The following TNS3 variants were observed in gnomAD, a reference collection of about 807,000 sequenced individuals.
The protein encoded by TNS3 is tensin-3.
TNS3 carries 45 observed loss-of-function variants against 140.9 expected under a neutral mutation model. The observed-to-expected ratio is 0.32, with a 90% confidence interval of 0.25 to 0.41. TNS3 has a LOEUF of 0.41. TNS3 is among the 10% of genes least tolerant of loss of function. TNS3 has a pLI of 1.00. For synonymous variants in TNS3, 815 were observed against 788.4 expected (o/e 1.03, Z -0.56); for missense variants, 1,716 against 1,906.7 (o/e 0.90, Z 1.86).
At position 47,345,055 on chromosome 7, in the gene TNS3, G is replaced by A. The variant is rs999318785; in HGVS notation, c.2452-17C>T. ...GGTCATCGTCTGAAATTGGCACAGGGAGTAGAATGTGAGAACAGGGAGTCA... is the reference window on the plus strand; with the variant it reads ...GGTCATCGTCTGAAATTGGCACAGGAAGTAGAATGTGAGAACAGGGAGTCA... On this transcript the variant is annotated splice_polypyrimidine_tract_variant and intron_variant, in intron 18 of 30. Coordinates refer to ENST00000311160, the MANE Select transcript of TNS3 (RefSeq NM_022748.12). 13 of 1,603,216 alleles carry A rather than the reference G, an allele frequency of 8.1e-6. No individual in the cohort carries two copies. The highest frequency in any genetic ancestry group is 1.1e-5 in the Non-Finnish European group (13 of 1,171,844).
chr7:47,343,031 TATC>T (rs1789107860), intron 20 of TNS3, among the ~76,000 whole-genome samples: 1 of 152,238 alleles, frequency 6.6e-6, no homozygotes, highest in Admixed American at 6.5e-5. Flanking sequence ...TTAATATTGT[TATC>T]ATGTCACCTT....
intron 3 of TNS3, among the ~76,000 whole-genome samples, chr7:47,482,639 C>T (rs1797464393): frequency 2.0e-5 from 3 of 152,222 alleles, no homozygotes; most frequent in Non-Finnish European, 4.4e-5. Flanking sequence ...ATCTTGTTGC[C>T]TCACTCCACA....
chr7:47,346,136 A>C, intron 18 of TNS3, 51 bp downstream of exon 18: 2 of 1,598,850 alleles, frequency 1.3e-6, no homozygotes, highest in Non-Finnish European at 8.5e-7. Flanking sequence ...TTCCAGGACA[A>C]GAAAGGGAGT....
At chr7:47,415,603 G>A (rs990292476) in intron 10 of TNS3, among the ~76,000 whole-genome samples, 8 of 152,222 alleles carry the variant, frequency 5.3e-5, no homozygotes, top group African/African-American at 1.9e-4. Flanking sequence ...TTGCACCTAT[G>A]GCAGGGTCAC....
At position 47,283,685 on chromosome 7, in the gene TNS3, C is replaced by T. The variant is rs202091938; in HGVS notation, c.4097+12G>A. The T allele has an allele frequency of 9.1e-5, 141 of 1,547,242 alleles. No individual in the cohort carries two copies. The African/African-American group carries it at 1.6e-3, about 18-fold the overall frequency. ...CCTGCTGGACGGCTCCTGCCTCCCTCTAGGCACTCACTTCCTCTGATTGTC... is the reference window on the plus strand; with the variant it reads ...CCTGCTGGACGGCTCCTGCCTCCCTTTAGGCACTCACTTCCTCTGATTGTC... On this transcript the variant is annotated intron_variant, in intron 28 of 30. Coordinates refer to ENST00000311160, the MANE Select transcript of TNS3 (RefSeq NM_022748.12).
intron 17 of TNS3, among the ~76,000 whole-genome samples, chr7:47,349,846 G>A (rs1210002057): frequency 1.3e-5 from 2 of 152,208 alleles, no homozygotes; most frequent in African/African-American, 2.4e-5. Flanking sequence ...GGAGACCAAC[G>A]TTTATCCAGC....
chr7:47,511,431 A>AT (rs1798601775), intron 2 of TNS3, among the ~76,000 whole-genome samples: 1 of 123,644 alleles, frequency 8.1e-6, no homozygotes, highest in Non-Finnish European at 1.9e-5. Context: ...TATTAAGCTT[A>AT]TGTTCATTTT....
chr7:47,468,662 C>A (rs1352594880), intron 4 of TNS3, among the ~76,000 whole-genome samples: 3 of 152,100 alleles, frequency 2.0e-5, no homozygotes, highest in African/African-American at 7.2e-5. Context: ...GGCCATACTA[C>A]CCAAAGCAAT....
rs2150713627 is a variant in TNS3, at chr7:47,303,415, G to A, written c.2992C>T (p.His998Tyr). Residue 998 changes from histidine (H) to tyrosine (Y), a missense_variant, in exon 22 of 31, where the codon CAC becomes TAC. By Grantham distance (83) the His-to-Tyr change is moderately conservative. Around this residue, in one of 3 missense-constraint regions of TNS3, gnomAD observed 1,163 missense variants for 1,182.1 expected, o/e 0.98. Transcript: ENST00000311160. ...TCTGCTAGGGACAGCTCATGGCTGT[G>A]GAAAGGAGCCTGGAGCTCTGACGGC... ...FPPSELQAPF[H>Y]SHELSLAEPP... 1 of 1,613,766 alleles carries A rather than the reference G, an allele frequency of 6.2e-7. No individual in the cohort carries two copies. Among genetic ancestry groups the A allele is most frequent in the East Asian group, 2.2e-5 (1 of 44,864 alleles).
chr7:47,516,982 GA>G (rs1163613498), intron 2 of TNS3, among the ~76,000 whole-genome samples: 1 of 152,190 alleles, frequency 6.6e-6, no homozygotes, highest in Non-Finnish European at 1.5e-5. Context: ...AGAATCACTT[GA>G]ACCCAGGAGG....
chr7:47,542,913 A>G (rs1379014809), intron 1 of TNS3, among the ~76,000 whole-genome samples: 1 of 128,472 alleles, frequency 7.8e-6, no homozygotes, highest in African/African-American at 2.8e-5. Flanking sequence ...CACGGGGAAC[A>G]GTGCAAGACT....
chr7:47,373,957 T>C (rs907029948), intron 16 of TNS3, among the ~76,000 whole-genome samples: 3 of 152,242 alleles, frequency 2.0e-5, no homozygotes, highest in Admixed American at 6.5e-5. Context: ...CTTGGCCACC[T>C]GCAACCCAGG....
At chr7:47,403,084 C>A (rs1283943821) in intron 13 of TNS3, among the ~76,000 whole-genome samples, 1 of 152,138 alleles carries the variant, frequency 6.6e-6, no homozygotes, top group Non-Finnish European at 1.5e-5. Flanking sequence ...TATCCCCAAC[C>A]GCAGCTCACC....
Position 47,303,595 on chromosome 7 carries a change from G to C in TNS3, c.2823-11C>G, listed in dbSNP as rs773000762. On this transcript the variant is annotated splice_polypyrimidine_tract_variant and intron_variant, in intron 21 of 30. Coordinates refer to ENST00000311160, the MANE Select transcript of TNS3 (RefSeq NM_022748.12). ...TCTGCAGAAGAGGAGCTGTTCAAAA[G>C]ACAAGCCGACCAAGACAGCATGTAA... 6.3e-7 allele frequency: 1 copy of C among 1,576,196 alleles called. No homozygotes were observed. The highest frequency in any genetic ancestry group is 8.6e-7 in the Non-Finnish European group (1 of 1,167,316).
chr7:47,500,869 T>TA (rs1464772973), intron 3 of TNS3, among the ~76,000 whole-genome samples: 5 of 151,906 alleles, frequency 3.3e-5, no homozygotes, highest in Non-Finnish European at 7.4e-5. Flanking sequence ...CACTTGAGGT[T>TA]AGGAGTTTGA....
At chr7:47,415,723 G>A (rs942282284) in intron 10 of TNS3, among the ~76,000 whole-genome samples, 6 of 152,210 alleles carry the variant, frequency 3.9e-5, no homozygotes, top group African/African-American at 1.4e-4. Context: ...AGCCTTCCAC[G>A]CCACATCTGA....
At chr7:47,571,422 C>T (rs1220361527) in intron 1 of TNS3, among the ~76,000 whole-genome samples, 4 of 152,264 alleles carry the variant, frequency 2.6e-5, no homozygotes, top group Admixed American at 2.0e-4. Flanking sequence ...GGCAGGACAA[C>T]GCAGCCACAG....
chr7:47,460,030 G>A (rs1421947855), intron 4 of TNS3, among the ~76,000 whole-genome samples: 3 of 151,906 alleles, frequency 2.0e-5, no homozygotes, highest in Non-Finnish European at 4.4e-5. Context: ...TGGCTAACAC[G>A]GTGAAACCTC....
intron 28 of TNS3, among the ~76,000 whole-genome samples, chr7:47,283,375 G>A (rs1362822088): frequency 1.3e-5 from 2 of 152,226 alleles, no homozygotes; most frequent in East Asian, 3.8e-4. Context: ...GTATCAGAGT[G>A]TTTTTAAGGA....
Sources: gnomAD v4.1 joint callset for allele counts (sites outside exome capture counted in the v4.1 genomes callset) on GRCh38, gnomAD v4.1.1 for gene constraint, gnomAD v4.1.1 regional missense constraint, MANE v1.5 for transcripts, NCBI Gene and HGNC (gene_info 2026-07-23, HGNC 2026-07-21) for gene names.